LRSAM1: variants seen among roughly 807,000 people sequenced by gnomAD.
LRSAM1 encodes E3 ubiquitin-protein ligase LRSAM1.
Under a neutral mutation model 118.1 loss-of-function variants are expected in LRSAM1, and 96 were observed. The ratio of observed to expected loss-of-function variants is 0.81; its 90% CI spans 0.69 to 0.96. The LOEUF (loss-of-function observed/expected upper bound fraction) is 0.96, where lower values mean the gene tolerates loss of function less well. Among genes scored for constraint, LRSAM1 ranks in the 40% least tolerant of loss-of-function variants. The probability of loss-of-function intolerance (pLI) is 0.00; values close to 1 mark genes in which losing one functional copy is unlikely to be tolerated. For missense variants in LRSAM1, 804 were observed against 915.5 expected, an observed-to-expected ratio of 0.88 and a Z score of 1.57; for synonymous variants, 322 against 364.2, an observed-to-expected ratio of 0.88 and a Z score of 1.32.
chr9:127,492,114 G>A lies in LRSAM1; in HGVS notation c.1504-688G>A, dbSNP rs1052408670. 3.9e-5 allele frequency among the ~76,000 whole-genome samples: 6 copies of A among 152,234 alleles called. No individual in the cohort carries two copies. In the East Asian group the frequency reaches 5.8e-4, roughly 15 times the overall value. On this transcript the variant is annotated intron_variant, in intron 20 of 25. Coordinates refer to ENST00000300417, the MANE Select transcript of LRSAM1 (RefSeq NM_001005373.4). ...CCCTGGTCTCAGGTGCACCGCAGGT[G>A]TGCTGTGTGCCCTTAGACAGGCCTC...
At chr9:127,475,670 T>C (rs1421769506) in intron 11 of LRSAM1, among the ~76,000 whole-genome samples, 1 of 152,144 alleles carries the variant, frequency 6.6e-6, no homozygotes, top group African/African-American at 2.4e-5. Context: ...CATAAACTGC[T>C]CTTGGGAGTG....
chr9:127,489,862 G>C (rs1331076819), intron 19 of LRSAM1, among the ~76,000 whole-genome samples: 1 of 152,266 alleles, frequency 6.6e-6, no homozygotes, highest in African/African-American at 2.4e-5. Flanking sequence ...TCCCCACTGG[G>C]AAAAGCAGCC....
chr9:127,492,264 G>T (rs138121918), intron 20 of LRSAM1, among the ~76,000 whole-genome samples: 355 of 152,348 alleles, frequency 2.3e-3, no homozygotes, highest in African/African-American at 8.1e-3. Flanking sequence ...GCCTTGAAAT[G>T]ATCTCCAGAG....
intron 17 of LRSAM1, among the ~76,000 whole-genome samples, chr9:127,487,048 G>A (rs1835755927): frequency 6.6e-6 from 1 of 151,966 alleles, no homozygotes; most frequent in African/African-American, 2.4e-5. Flanking sequence ...GCCAAACGTA[G>A]CAGTGGGCGC....
In LRSAM1 at chr9:127,483,445, T is replaced by G. The variant is rs1372829532; in HGVS notation, c.1159+425T>G. On this transcript the variant is annotated intron_variant, in intron 16 of 25. Coordinates refer to ENST00000300417, the MANE Select transcript of LRSAM1 (RefSeq NM_001005373.4). ...CTGGGTAATACAGCGAGACCATTTC[T>G]CAGAAAAAAAAAAAAAGAAAGTCCA... is the stretch of plus-strand genomic sequence containing the variant. 8.0e-5 allele frequency among the ~76,000 whole-genome samples: 12 copies of G among 149,772 alleles called. No individual in the cohort carries two copies. In the South Asian group the frequency reaches 1.1e-3, roughly 13 times the overall value.
chr9:127,501,045 A>G lies in LRSAM1; in HGVS notation c.1948A>G (p.Thr650Ala), dbSNP rs1271630626. 1 of 1,613,858 alleles carries G rather than the reference A, an allele frequency of 6.2e-7. No individual in the cohort carries two copies. The highest frequency in any genetic ancestry group is 1.3e-5 in the African/African-American group (1 of 74,900). ...KPPMGEVVTP[T>A]APQEPPESVR... ...ACCAATGGGTGAGGTCGTCACCCCTACGGCCCCCCAGGAGCCTCCTGAGTC... is the reference window on the plus strand; with the variant it reads ...ACCAATGGGTGAGGTCGTCACCCCTGCGGCCCCCCAGGAGCCTCCTGAGTC... The change falls in exon 25 of 26, where the codon ACG becomes GCG. Residue 650 changes from threonine (T) to alanine (A), a missense_variant. By Grantham distance (58) the Thr-to-Ala change is moderately conservative. Transcript: ENST00000300417.
intron 17 of LRSAM1, among the ~76,000 whole-genome samples, chr9:127,487,183 C>CAA (rs143561853): frequency 4.8e-5 from 5 of 105,208 alleles, no homozygotes; most frequent in East Asian, 3.8e-4. Flanking sequence ...GACTCTGTCT[C>CAA]AAAAAAAAAA....
chr9:127,452,466 C>A (rs1158814220), intron 2 of LRSAM1, among the ~76,000 whole-genome samples: 1 of 152,182 alleles, frequency 6.6e-6, no homozygotes, highest in Non-Finnish European at 1.5e-5. Flanking sequence ...TTTGCCCATC[C>A]CTCTGAGGAC....
chr9:127,463,053 C>T (rs2132016560), intron 9 of LRSAM1, among the ~76,000 whole-genome samples: 1 of 151,854 alleles, frequency 6.6e-6, no homozygotes, highest in South Asian at 2.1e-4. Flanking sequence ...AGAAATTATC[C>T]AGGCGTGGTG....
At position 127,473,876 on chromosome 9, in the gene LRSAM1, G is replaced by A. The variant is rs778692919; in HGVS notation, c.695G>A (p.Arg232Gln). The change falls in exon 11 of 26, where the codon CGG (arginine) becomes CAG (glutamine). Residue 232 changes from arginine to glutamine, a missense_variant. By Grantham distance (43) the Arg-to-Gln change is conservative. Transcript: ENST00000300417. ...ILEQDGIENS[R>Q]DSPDGPTDRF... is the part of the protein sequence containing the mutation. ...GAGCAAGATGGAATCGAGAACTCTC[G>A]GGACAGCCCTGATGGGCCCACGGAC... 4.0e-5 allele frequency: 64 copies of A among 1,614,114 alleles called. No individual in the cohort carries two copies. In the East Asian group the frequency reaches 9.1e-4, roughly 23 times the overall value.
chr9:127,470,345 A>T (rs945733415), intron 10 of LRSAM1, among the ~76,000 whole-genome samples: 10 of 152,056 alleles, frequency 6.6e-5, no homozygotes, highest in Admixed American at 6.6e-4. Flanking sequence ...CCAAGTGAAG[A>T]GGGAAGCCCC....
In LRSAM1 at chr9:127,490,825, G is replaced by A. The variant is rs537630418; in HGVS notation, c.1423-390G>A. Among the ~76,000 whole-genome samples, 138 of 152,238 alleles carry A rather than the reference G, an allele frequency of 9.1e-4. 1 individual carries two copies. Among genetic ancestry groups the A allele is most frequent in the Non-Finnish European group, 1.1e-3 (78 of 68,014 alleles). Reference sequence around the variant, plus strand: ...CTGCTCTCCCCTGCAACAGCGATGCGAGGGACAAGAGAACTTGACCAGCAG... The same window carrying A: ...CTGCTCTCCCCTGCAACAGCGATGCAAGGGACAAGAGAACTTGACCAGCAG... On this transcript the variant is annotated intron_variant, in intron 19 of 25. Transcript: ENST00000300417.
At chr9:127,498,884 C>A (rs1836258869) in intron 24 of LRSAM1, among the ~76,000 whole-genome samples, 1 of 151,598 alleles carries the variant, frequency 6.6e-6, no homozygotes, top group Non-Finnish European at 1.5e-5. Context: ...CATGGTGAAA[C>A]CCTGTCTCTA....
rs1836466765 is a variant in LRSAM1 at position 127,503,279 on chromosome 9, T to G, written c.*380T>G. On this transcript the variant is annotated 3_prime_UTR_variant, in exon 26 of 26. Coordinates refer to ENST00000300417, the MANE Select transcript of LRSAM1 (RefSeq NM_001005373.4). ...GGCCATGCACAGGCCCGTCCCACCC[T>G]GCATGTGGGAAGGGAGCAGGAGGGC... is the stretch of plus-strand genomic sequence containing the variant. 3.3e-6 allele frequency: 1 copy of G among 301,856 alleles called. No homozygotes were observed. Among genetic ancestry groups the G allele is most frequent in the Non-Finnish European group, 6.5e-6 (1 of 153,608 alleles). 18.7% of individuals were successfully genotyped at this position (301,856 alleles called of 1,614,324 possible).
intron 24 of LRSAM1, among the ~76,000 whole-genome samples, chr9:127,498,785 G>A (rs1432562487): frequency 5.3e-5 from 8 of 152,204 alleles, no homozygotes; most frequent in African/African-American, 1.4e-4. Flanking sequence ...GGGGCCAGGT[G>A]TGGTGGCTCA....
At chr9:127,461,853 C>T (rs1162236603) in intron 8 of LRSAM1, among the ~76,000 whole-genome samples, 1 of 152,242 alleles carries the variant, frequency 6.6e-6, no homozygotes, top group Non-Finnish European at 1.5e-5. Flanking sequence ...TGCAGAGTGC[C>T]TCTGTTTATC....
At chr9:127,493,002 A>C in intron 21 of LRSAM1, 105 bp downstream of exon 21, 1 of 935,802 alleles carries the variant, frequency 1.1e-6, no homozygotes, top group Non-Finnish European at 1.7e-6. Context: ...GTTATTCATC[A>C]AAGAAAAACT....
At chr9:127,488,030 C>T (rs535461396) in intron 18 of LRSAM1, among the ~76,000 whole-genome samples, 1 of 152,110 alleles carries the variant, frequency 6.6e-6, no homozygotes, top group Admixed American at 6.5e-5. Flanking sequence ...GTAGGAGGCT[C>T]CATTGGAAGG....
At chr9:127,502,039 A>G (rs1836411355) in intron 25 of LRSAM1, among the ~76,000 whole-genome samples, 1 of 152,320 alleles carries the variant, frequency 6.6e-6, no homozygotes, top group South Asian at 2.1e-4. Context: ...GTCCTGAGTC[A>G]GTGGCTGCTG....
Sources: allele counts gnomAD v4.1 joint callset (sites outside exome capture counted in the v4.1 genomes callset), GRCh38; gene constraint gnomAD v4.1.1; transcripts MANE v1.5; gene names NCBI Gene and HGNC (gene_info 2026-07-23, HGNC 2026-07-21).